NAV2: variants seen among roughly 807,000 people sequenced by gnomAD.
NAV2 encodes the protein neuron navigator 2.
A neutral mutation model predicts 223.2 loss-of-function variants in NAV2; 54 were observed. The ratio of observed to expected loss-of-function variants is 0.24; its 90% CI spans 0.19 to 0.30. NAV2 has a LOEUF of 0.30. Among genes scored for constraint, NAV2 ranks in the 10% least tolerant of loss-of-function variants. NAV2 has a pLI of 1.00. For synonymous variants in NAV2, 1,279 were observed against 1,239.3 expected, an observed-to-expected ratio of 1.03 and a Z score of -0.67; for missense variants, 2,806 against 3,147.5, an observed-to-expected ratio of 0.89 and a Z score of 2.60.
intron 1 of NAV2, among the ~76,000 whole-genome samples, chr11:19,395,968 A>T (rs927287657): frequency 6.6e-6 from 1 of 152,028 alleles, no homozygotes; most frequent in African/African-American, 2.4e-5. Flanking sequence ...AATCTAGGAG[A>T]GTTTTGAGTT....
intron 1 of NAV2, among the ~76,000 whole-genome samples, chr11:19,465,402 G>T (rs772623308): frequency 7.2e-5 from 11 of 152,108 alleles, no homozygotes; most frequent in Non-Finnish European, 1.3e-4. Context: ...TTATAAAATA[G>T]CTTCTTTGTA....
intron 14 of NAV2, 145 bp from the exon 15 acceptor site, chr11:20,048,583 G>T: frequency 1.5e-6 from 1 of 683,306 alleles, no homozygotes; most frequent in Non-Finnish European, 2.5e-6. Context: ...ACCTTTCCCT[G>T]AAGTACCGTT....
intron 2 of NAV2, 98 bp downstream of exon 2, chr11:19,832,699 A>G: frequency 1.1e-6 from 1 of 926,730 alleles, no homozygotes; most frequent in Non-Finnish European, 1.7e-6. Context: ...CTCAGAAGGC[A>G]GCTTTCTGTC....
intron 1 of NAV2, among the ~76,000 whole-genome samples, chr11:19,471,777 G>A (rs1022779972): frequency 1.3e-5 from 2 of 152,096 alleles, no homozygotes; most frequent in African/African-American, 4.8e-5. Flanking sequence ...GTGGAGCTGC[G>A]GGCCCTACTG....
At position 19,556,466 on chromosome 11, in the gene NAV2, A is replaced by C. The variant is rs532364503; in HGVS notation, c.75+205439A>C. On this transcript the variant is annotated intron_variant, in intron 1 of 37. Coordinates refer to the NAV2 transcript ENST00000360655. Reference sequence around the variant, plus strand: ...ACTGCTCATGGGCTTGGCTGGAGGAACCACAGCAGGGATCTCTTAACCCTT... The same window carrying C: ...ACTGCTCATGGGCTTGGCTGGAGGACCCACAGCAGGGATCTCTTAACCCTT... Among the ~76,000 whole-genome samples, 9 of 152,322 alleles carry C rather than the reference A, an allele frequency of 5.9e-5. No homozygotes were observed. In the East Asian group the frequency reaches 1.7e-3, roughly 29 times the overall value.
chr11:19,914,098 C>G (rs1294620818), intron 6 of NAV2, among the ~76,000 whole-genome samples: 6 of 152,048 alleles, frequency 3.9e-5, no homozygotes, highest in Non-Finnish European at 8.8e-5. Context: ...TCTGCCATAG[C>G]AGGAGTATCT....
chr11:19,715,632 A>T (rs564036631), intron 1 of NAV2, among the ~76,000 whole-genome samples: 1 of 152,298 alleles, frequency 6.6e-6, no homozygotes, highest in Admixed American at 6.5e-5. Context: ...TTCATTTAAC[A>T]AACATTGTCA....
chr11:19,546,690 C>T (rs1011342718), intron 1 of NAV2, among the ~76,000 whole-genome samples: 5 of 152,130 alleles, frequency 3.3e-5, no homozygotes, highest in South Asian at 2.1e-4. Flanking sequence ...TTTTATTTCC[C>T]AGGTTTTGAG....
intron 1 of NAV2, among the ~76,000 whole-genome samples, chr11:19,665,955 G>A (rs1441570138): frequency 2.0e-5 from 3 of 151,800 alleles, no homozygotes; most frequent in Non-Finnish European, 2.9e-5. Flanking sequence ...CATCATCATC[G>A]TCATCACTAT....
chr11:20,040,956 G>A (rs2056863721), intron 12 of NAV2, among the ~76,000 whole-genome samples: 1 of 152,170 alleles, frequency 6.6e-6, no homozygotes, highest in South Asian at 2.1e-4. Context: ...CCTGGACCAA[G>A]CTAGGGAGAT....
At chr11:19,459,571 T>G (rs913806997) in intron 1 of NAV2, among the ~76,000 whole-genome samples, 25 of 152,106 alleles carry the variant, frequency 1.6e-4, no homozygotes, top group African/African-American at 6.0e-4. Flanking sequence ...GGAGAAGAGC[T>G]AAAGGGTGGC....
intron 6 of NAV2, among the ~76,000 whole-genome samples, chr11:19,924,818 G>T (rs1217016944): frequency 6.6e-6 from 1 of 152,178 alleles, no homozygotes; most frequent in Non-Finnish European, 1.5e-5. Context: ...GAGAGATCTG[G>T]TGTGGATAAT....
At chr11:19,374,309 G>GTTTTTTTTTTTTTT (rs10533713) in intron 1 of NAV2, among the ~76,000 whole-genome samples, 3 of 124,592 alleles carry the variant, frequency 2.4e-5, no homozygotes, top group Non-Finnish European at 4.9e-5. Flanking sequence ...TTCCGAAAAG[G>GTTTTTTTTTTTTTT]TTTTTTTTTT....
intron 1 of NAV2, among the ~76,000 whole-genome samples, chr11:19,691,008 G>T (rs571585109): frequency 3.5e-4 from 54 of 152,328 alleles, no homozygotes; most frequent in African/African-American, 1.3e-3. Context: ...GAATGAGCTA[G>T]CCCAGAGCTT....
chr11:19,417,545 C>T (rs550653473), intron 1 of NAV2, among the ~76,000 whole-genome samples: 25 of 152,304 alleles, frequency 1.6e-4, no homozygotes, highest in Admixed American at 1.0e-3. Context: ...GGTGATTCCT[C>T]AAGGATCTAG....
chr11:19,440,055 G>A (rs1590206409), intron 1 of NAV2, among the ~76,000 whole-genome samples: 1 of 152,190 alleles, frequency 6.6e-6, no homozygotes, highest in African/African-American at 2.4e-5. Context: ...GATAATAGAA[G>A]CATTCTTTCT....
intron 1 of NAV2, among the ~76,000 whole-genome samples, chr11:19,432,907 C>A (rs1335134492): frequency 6.6e-6 from 1 of 152,162 alleles, no homozygotes; most frequent in Admixed American, 6.5e-5. Context: ...GCCTCAAACC[C>A]AAACACAAGA....
Position 20,083,125 on chromosome 11 carries a change from A to C in NAV2, c.5444A>C (p.His1815Pro). 1.2e-6 allele frequency: 2 copies of C among 1,614,112 alleles called. No homozygotes were observed. Among genetic ancestry groups the C allele is most frequent in the Non-Finnish European group, 1.7e-6 (2 of 1,179,974 alleles). The change falls in exon 26 of 38, where the codon CAC (histidine) becomes CCC (proline). Residue 1815 changes from histidine (H) to proline (P), a missense_variant. Around this residue, in one of 4 missense-constraint regions of NAV2, gnomAD observed 824 missense variants for 1,069.4 expected, o/e 0.77. Coordinates refer to ENST00000349880, the MANE Select transcript of NAV2 (RefSeq NM_145117.5). Reference sequence around the variant, plus strand: ...TTGCCTTCCTCACCAAAGTTACCGCACAATGGGTCCACAGGTTCCACCCCA... The same window carrying C: ...TTGCCTTCCTCACCAAAGTTACCGCCCAATGGGTCCACAGGTTCCACCCCA... ...SSLPSSPKLP[H>P]NGSTGSTPLL...
intron 1 of NAV2, among the ~76,000 whole-genome samples, chr11:19,497,571 G>A (rs79673021): frequency 0.015 from 2,257 of 152,176 alleles, 26 homozygotes; most frequent in Middle Eastern, 0.024. Flanking sequence ...TCAGTATATT[G>A]TCCCTACTCA....
Sources: allele counts gnomAD v4.1 joint callset (sites outside exome capture counted in the v4.1 genomes callset), GRCh38; gene constraint gnomAD v4.1.1; regional missense constraint gnomAD v4.1.1; transcripts MANE v1.5; gene names NCBI Gene and HGNC (gene_info 2026-07-23, HGNC 2026-07-21).